The following CATSPERD variants were observed in gnomAD, a reference collection of about 807,000 sequenced individuals.
CATSPERD encodes catsper channel auxiliary subunit delta, also known as cation channel sperm-associated auxiliary subunit delta.
Under a neutral mutation model 98.1 loss-of-function variants are expected in CATSPERD, and 86 were observed. The observed-to-expected ratio is 0.88, with a 90% CI of 0.74 to 1.05. The LOEUF (loss-of-function observed/expected upper bound fraction) is 1.05. CATSPERD is among the 50% of genes least tolerant of loss of function. The pLI is 0.00. For synonymous variants in CATSPERD, 394 were observed against 390.2 expected (o/e 1.01, Z -0.12); for missense variants, 995 against 1,005.7 (o/e 0.99, Z 0.14).
At position 5,734,425 on chromosome 19, in the gene CATSPERD, G is replaced by A. The variant is rs537021608; in HGVS notation, c.391+455G>A. Among the ~76,000 whole-genome samples, 4 of 152,228 alleles carry A rather than the reference G, an allele frequency of 2.6e-5. No homozygotes were observed. The South Asian group carries it at 8.3e-4, about 32-fold the overall frequency. On this transcript the variant is annotated intron_variant, in intron 5 of 21. Transcript: ENST00000381624. ...AGACTGAGGCGGGCGGATCATCTGA[G>A]GTCAGGAGTTCGAGACCAGCCTGAC...
At position 5,738,110 on chromosome 19, in the gene CATSPERD, C is replaced by T. The variant is rs371351968; in HGVS notation, c.459+905C>T. 4.8e-4 allele frequency among the ~76,000 whole-genome samples: 73 copies of T among 151,824 alleles called. 1 individual carries two copies. In the East Asian group the frequency reaches 0.012, roughly 25 times the overall value. ...AATCCACAGGTAACTTTCGACTTCC[C>T]CAAAACTTAATTACTGTCCAGGCGT... is the stretch of plus-strand genomic sequence containing the variant. On this transcript the variant is annotated intron_variant, in intron 6 of 21. Coordinates refer to ENST00000381624, the MANE Select transcript of CATSPERD (RefSeq NM_152784.4).
intron 15 of CATSPERD, among the ~76,000 whole-genome samples, chr19:5,759,441 T>C (rs919965256): frequency 6.6e-6 from 1 of 151,562 alleles, no homozygotes; most frequent in Non-Finnish European, 1.5e-5. Context: ...GGCAGGCACC[T>C]GTAATTTCAG....
chr19:5,746,724 C>T (rs995995075), intron 9 of CATSPERD, among the ~76,000 whole-genome samples: 5 of 152,118 alleles, frequency 3.3e-5, no homozygotes, highest in African/African-American at 9.7e-5. Context: ...TGAGCCACCA[C>T]GCCCAGCCAT....
At chr19:5,760,714 G>C (rs1018415176) in intron 15 of CATSPERD, among the ~76,000 whole-genome samples, 1 of 152,022 alleles carries the variant, frequency 6.6e-6, no homozygotes, top group Non-Finnish European at 1.5e-5. Context: ...TTGATGAATG[G>C]TGCACTTAAA....
At position 5,772,710 on chromosome 19, in the gene CATSPERD, C is replaced by T. The variant is rs1019729254; in HGVS notation, c.1764-78C>T. 1.5e-5 allele frequency: 22 copies of T among 1,479,020 alleles called. No homozygotes were observed. The Admixed American group carries it at 2.3e-4, about 15-fold the overall frequency. The allele number at this position is 1,479,020 out of a possible 1,614,324, so 91.6% of individuals were successfully genotyped here. On this transcript the variant is annotated intron_variant, in intron 19 of 21. Coordinates refer to ENST00000381624, the MANE Select transcript of CATSPERD (RefSeq NM_152784.4). Reference sequence around the variant, plus strand: ...CCCACCCCCCAAGCGGTTTTGCAGCCGTCCAGGTGGCTGTGGCCCGGGTCT... The same window carrying T: ...CCCACCCCCCAAGCGGTTTTGCAGCTGTCCAGGTGGCTGTGGCCCGGGTCT...
At chr19:5,735,882 G>A (rs1422099047) in intron 5 of CATSPERD, among the ~76,000 whole-genome samples, 5 of 150,636 alleles carry the variant, frequency 3.3e-5, no homozygotes, top group Non-Finnish European at 7.4e-5. Context: ...CTGGGTTCAT[G>A]CCATTCTTCT....
intron 4 of CATSPERD, among the ~76,000 whole-genome samples, chr19:5,732,381 A>G (rs117255291): frequency 1.3e-5 from 2 of 152,130 alleles, no homozygotes; most frequent in Non-Finnish European, 2.9e-5. Flanking sequence ...CACAGTTCTC[A>G]GTATCTAAGA....
chr19:5,757,904 C>T lies in CATSPERD; in HGVS notation c.1340C>T (p.Thr447Ile), dbSNP rs1209228375. Residue 447 changes from threonine (T) to isoleucine (I), a missense_variant, in exon 14 of 22, where the codon ACA becomes ATA. This residue lies in a region of CATSPERD where 762 missense variants were observed against 773.7 expected (regional missense o/e 0.98). Transcript: ENST00000381624. The part of the protein sequence containing the change: ...FQATFYENGY[T>I]SDGNTKYKLD... ...GCCACCTTCTACGAGAACGGTTACA[C>T]ATCAGATGGGAACACCAAGTACAAA... 1 of 1,613,316 alleles carries T rather than the reference C, an allele frequency of 6.2e-7. No individual in the cohort carries two copies. The highest frequency in any genetic ancestry group is 8.5e-7 in the Non-Finnish European group (1 of 1,179,778).
At chr19:5,748,634 A>G (rs1210004108) in intron 10 of CATSPERD, among the ~76,000 whole-genome samples, 2 of 151,438 alleles carry the variant, frequency 1.3e-5, no homozygotes, top group Non-Finnish European at 2.9e-5. Context: ...AAAAAAAAAA[A>G]AAAAAAAAGC....
At chr19:5,740,364 G>A (rs1367357787) in intron 7 of CATSPERD, among the ~76,000 whole-genome samples, 1 of 151,172 alleles carries the variant, frequency 6.6e-6, no homozygotes, top group African/African-American at 2.4e-5. Context: ...GAGGTGGGTG[G>A]ATCACCTGAG....
intron 13 of CATSPERD, among the ~76,000 whole-genome samples, chr19:5,754,797 G>A (rs2056294502): frequency 6.6e-6 from 1 of 151,574 alleles, no homozygotes; most frequent in African/African-American, 2.4e-5. Flanking sequence ...TGCTGTCTCT[G>A]TGCCTCCTCC....
chr19:5,723,776 GT>G (rs1411821059), intron 1 of CATSPERD, among the ~76,000 whole-genome samples: 1 of 137,028 alleles, frequency 7.3e-6, no homozygotes, highest in East Asian at 2.2e-4. Context: ...GTTTTGTTTT[GT>G]TTTTGTTTTT....
intron 13 of CATSPERD, among the ~76,000 whole-genome samples, chr19:5,755,756 A>G (rs902321346): frequency 1.4e-5 from 2 of 146,052 alleles, no homozygotes; most frequent in Non-Finnish European, 3.0e-5. Flanking sequence ...CTGGGCAACA[A>G]GAGCGAGACT....
chr19:5,721,254 G>C (rs2055466009), intron 1 of CATSPERD, among the ~76,000 whole-genome samples: 1 of 151,838 alleles, frequency 6.6e-6, no homozygotes, highest in Non-Finnish European at 1.5e-5. Flanking sequence ...CGCCTGCCTC[G>C]GCCTCCCAAA....
intron 12 of CATSPERD, 69 bp downstream of exon 12, chr19:5,751,892 G>C (rs992463273): frequency 5.5e-6 from 8 of 1,448,002 alleles, no homozygotes; most frequent in Non-Finnish European, 7.5e-6. Context: ...CCTGGGCATG[G>C]TGGTGCACGC....
At chr19:5,749,888 C>G (rs1006828369) in intron 11 of CATSPERD, among the ~76,000 whole-genome samples, 1 of 150,330 alleles carries the variant, frequency 6.7e-6, no homozygotes, top group Admixed American at 6.7e-5. Flanking sequence ...ACTACAACCT[C>G]CACCTCTCAG....
intron 14 of CATSPERD, 101 bp from the exon 15 acceptor site, chr19:5,758,985 C>G: frequency 9.3e-7 from 1 of 1,076,966 alleles, no homozygotes; most frequent in South Asian, 1.3e-5. Flanking sequence ...GGTTCGTCCC[C>G]CCATGTCCCC....
intron 4 of CATSPERD, among the ~76,000 whole-genome samples, chr19:5,733,063 G>A (rs952247241): frequency 2.7e-5 from 4 of 149,344 alleles, no homozygotes; most frequent in Admixed American, 6.7e-5. Context: ...GTGCAATCTC[G>A]GCTCACCGCA....
chr19:5,737,538 G>T (rs1321252224), intron 6 of CATSPERD, among the ~76,000 whole-genome samples: 2 of 102,940 alleles, frequency 1.9e-5, no homozygotes, highest in African/African-American at 7.7e-5. Flanking sequence ...CAACTAGCAA[G>T]ACTCTGTCAA....
Sources: gnomAD v4.1 joint callset for allele counts (sites outside exome capture counted in the v4.1 genomes callset) on GRCh38, gnomAD v4.1.1 for gene constraint, gnomAD v4.1.1 regional missense constraint, MANE v1.5 for transcripts, NCBI Gene and HGNC (gene_info 2026-07-23, HGNC 2026-07-21) for gene names.